Variants in TARS3 observed in about 807,000 individuals in gnomAD.
TARS3 encodes the protein threonine--tRNA ligase 2, cytoplasmic.
Under a neutral mutation model 103.5 loss-of-function variants are expected in TARS3, and 94 were observed. The ratio of observed to expected loss-of-function variants is 0.91; its 90% CI spans 0.77 to 1.08. The LOEUF is 1.08. Among genes scored for constraint, TARS3 ranks in the 50% least tolerant of loss-of-function variants. The pLI is 0.00. For missense variants in TARS3, 952 were observed against 995.2 expected (o/e 0.96, Z 0.58); for synonymous variants, 416 against 355.4 (o/e 1.17, Z -1.92).
intron 6 of TARS3, among the ~76,000 whole-genome samples, chr15:101,707,115 G>A (rs909395009): frequency 2.0e-5 from 3 of 152,014 alleles, no homozygotes; most frequent in African/African-American, 7.2e-5. Flanking sequence ...AGAAATGCAA[G>A]TCAAAACAAA....
At chr15:101,682,651 TTCA>T (rs1477748587) in intron 12 of TARS3, among the ~76,000 whole-genome samples, 1 of 152,180 alleles carries the variant, frequency 6.6e-6, no homozygotes, top group Non-Finnish European at 1.5e-5. Flanking sequence ...CTTCATTAGC[TTCA>T]TGAGGTGGTG....
chr15:101,691,355 C>T (rs1272988820), intron 10 of TARS3, among the ~76,000 whole-genome samples: 2 of 151,948 alleles, frequency 1.3e-5, no homozygotes, highest in Non-Finnish European at 2.9e-5. Context: ...TCTTGGCTCA[C>T]TGCAGCCTCT....
At chr15:101,693,579 A>G (rs1332974430) in intron 10 of TARS3, among the ~76,000 whole-genome samples, 2 of 152,210 alleles carry the variant, frequency 1.3e-5, no homozygotes, top group Non-Finnish European at 2.9e-5. Context: ...ATGAAAACCT[A>G]TGTTCATACA....
intron 5 of TARS3, among the ~76,000 whole-genome samples, chr15:101,711,575 A>C (rs755210989): frequency 6.6e-6 from 1 of 152,118 alleles, no homozygotes; most frequent in Non-Finnish European, 1.5e-5. Flanking sequence ...CTTCCTTATG[A>C]TTTTCTTAAC....
intron 10 of TARS3, among the ~76,000 whole-genome samples, chr15:101,700,549 G>A (rs1899213878): frequency 6.6e-6 from 1 of 152,040 alleles, no homozygotes; most frequent in South Asian, 2.1e-4. Context: ...AACTTATATG[G>A]ACAAAAAGTG....
At position 101,661,788 on chromosome 15, in the gene TARS3, C is replaced by T. The variant is rs1897388790; in HGVS notation, c.1996G>A (p.Val666Met). 3.7e-6 allele frequency: 6 copies of T among 1,605,820 alleles called. No homozygotes were observed. The highest frequency in any genetic ancestry group is 4.3e-6 in the Non-Finnish European group (5 of 1,175,848). ...SKDGDDKKRP[V>M]IIHRAILGSV... ...CCCAAAATGGCTCGATGAATGATCA[C>T]AGGTCTCTTCTTATCATCCCCATCC... Residue 666 changes from valine to methionine, a missense_variant, in exon 16 of 19, where the codon GTG becomes ATG. Coordinates refer to ENST00000335968, the MANE Select transcript of TARS3 (RefSeq NM_152334.3).
chr15:101,668,165 C>A (rs1473595150), intron 15 of TARS3, among the ~76,000 whole-genome samples: 1 of 152,198 alleles, frequency 6.6e-6, no homozygotes, highest in Non-Finnish European at 1.5e-5. Flanking sequence ...AGAGGCCGAG[C>A]TTTTGGCCTA....
intron 3 of TARS3, among the ~76,000 whole-genome samples, chr15:101,720,741 G>T (rs999731012): frequency 6.6e-6 from 1 of 152,168 alleles, no homozygotes; most frequent in Non-Finnish European, 1.5e-5. Context: ...ACGTTTTGTG[G>T]AAGGGACCCA....
intron 12 of TARS3, among the ~76,000 whole-genome samples, chr15:101,679,885 G>C (rs1334437083): frequency 6.6e-6 from 1 of 152,174 alleles, no homozygotes; most frequent in Non-Finnish European, 1.5e-5. Context: ...GTTACTTCTG[G>C]GTTGCACAGG....
chr15:101,682,039 TC>T (rs1898275053), intron 12 of TARS3, among the ~76,000 whole-genome samples: 2 of 152,238 alleles, frequency 1.3e-5, no homozygotes, highest in Admixed American at 6.5e-5. Flanking sequence ...CTAATAGCTT[TC>T]TGTAGATTCC....
At chr15:101,700,615 T>C (rs1481591537) in intron 10 of TARS3, among the ~76,000 whole-genome samples, 1 of 152,086 alleles carries the variant, frequency 6.6e-6, no homozygotes, top group Non-Finnish European at 1.5e-5. Flanking sequence ...CTCCATGTTA[T>C]TATTAGAAGG....
At chr15:101,671,280 C>T (rs1897790400) in intron 15 of TARS3, among the ~76,000 whole-genome samples, 2 of 152,168 alleles carry the variant, frequency 1.3e-5, no homozygotes, top group Admixed American at 1.3e-4. Context: ...TATCTCTACT[C>T]TCATGTTTAC....
intron 11 of TARS3, among the ~76,000 whole-genome samples, chr15:101,684,982 C>A (rs1898405888): frequency 6.6e-6 from 1 of 152,178 alleles, no homozygotes; most frequent in Non-Finnish European, 1.5e-5. Context: ...AAAACACTAG[C>A]ATAGCTTCTA....
chr15:101,677,338 T>C (rs570012940), intron 12 of TARS3, among the ~76,000 whole-genome samples: 2 of 152,072 alleles, frequency 1.3e-5, no homozygotes, highest in Non-Finnish European at 2.9e-5. Flanking sequence ...TTCTCTCTCT[T>C]TTTGAGTTGG....
At chr15:101,701,064 A>T (rs764493028) in intron 10 of TARS3, 22 bp downstream of exon 10, 5 of 1,431,784 alleles carry the variant, frequency 3.5e-6, no homozygotes, top group Middle Eastern at 1.8e-4. Context: ...AATAAGAATA[A>T]AACATTTTAA....
intron 10 of TARS3, among the ~76,000 whole-genome samples, chr15:101,696,317 CAGTA>C (rs1596311995): frequency 6.6e-6 from 1 of 151,044 alleles, no homozygotes; most frequent in Non-Finnish European, 1.5e-5. Context: ...TTCCTACCAG[CAGTA>C]AGTGTTATAC....
intron 7 of TARS3, among the ~76,000 whole-genome samples, chr15:101,705,196 A>G (rs1899493721): frequency 6.6e-6 from 1 of 152,222 alleles, no homozygotes; most frequent in South Asian, 2.1e-4. Flanking sequence ...CTTACATTTG[A>G]TCCTGCCTTT....
chr15:101,713,694 C>T (rs1272380475), intron 4 of TARS3, among the ~76,000 whole-genome samples: 1 of 152,134 alleles, frequency 6.6e-6, no homozygotes, highest in East Asian at 1.9e-4. Flanking sequence ...CTTAGGCAAA[C>T]AGGAAGAAAT....
chr15:101,718,557 C>T (rs1219402102), intron 3 of TARS3, among the ~76,000 whole-genome samples: 1 of 152,158 alleles, frequency 6.6e-6, no homozygotes, highest in East Asian at 1.9e-4. Flanking sequence ...CTTTCCCAAA[C>T]CGCAGGAGGG....
Sources: gnomAD v4.1 joint callset for allele counts (sites outside exome capture counted in the v4.1 genomes callset) on GRCh38, gnomAD v4.1.1 for gene constraint, MANE v1.5 for transcripts, NCBI Gene and HGNC (gene_info 2026-07-23, HGNC 2026-07-21) for gene names.